The following CACNA2D1 variants were observed in gnomAD, a reference collection of about 807,000 sequenced individuals.
The protein encoded by CACNA2D1 is voltage-dependent calcium channel subunit alpha-2/delta-1.
In CACNA2D1, 53 loss-of-function variants were observed where a neutral mutation model predicts 171.5. The observed-to-expected ratio is 0.31, with a 90% CI of 0.25 to 0.39. The LOEUF is 0.39. Ranked by LOEUF, CACNA2D1 falls within the 10% of genes least tolerant of loss-of-function variation. CACNA2D1 has a pLI of 1.00. For missense variants in CACNA2D1, 903 were observed against 1,299.8 expected, an observed-to-expected ratio of 0.69 and a Z score of 4.69; for synonymous variants, 442 against 443.1, an observed-to-expected ratio of 1.00 and a Z score of 0.03.
intron 3 of CACNA2D1, among the ~76,000 whole-genome samples, chr7:82,274,469 G>A (rs1490666499): frequency 1.3e-5 from 2 of 152,106 alleles, no homozygotes; most frequent in Non-Finnish European, 1.5e-5. Context: ...TTCTTAATAA[G>A]TGAGTCCTAG....
intron 18 of CACNA2D1, among the ~76,000 whole-genome samples, chr7:82,002,042 A>AAAAAAAAG (rs1345439249): frequency 2.1e-5 from 3 of 140,932 alleles, no homozygotes; most frequent in African/African-American, 8.1e-5. Flanking sequence ...AAAAAAAAAA[A>AAAAAAAAG]AGAGAGAGAG....
rs1792335989 is a variant in CACNA2D1, at chr7:81,949,945, T to G, written c.*447A>C. On this transcript the variant is annotated 3_prime_UTR_variant, in exon 39 of 39. Transcript: ENST00000356860. ...CAATAATTGCTACTTAAAGCAGGAA[T>G]TAACTTTTCACAGAAGAAAAAGTGA... is the stretch of plus-strand genomic sequence containing the variant. The G allele has an allele frequency of 6.1e-6, 1 of 163,276 alleles. No individual in the cohort carries two copies. The allele number at this position is 163,276 out of a possible 1,614,324, so 10.1% of individuals were successfully genotyped here.
intron 4 of CACNA2D1, among the ~76,000 whole-genome samples, chr7:82,151,512 C>T (rs1793854125): frequency 6.6e-6 from 1 of 151,974 alleles, no homozygotes; most frequent in Non-Finnish European, 1.5e-5. Flanking sequence ...ATCAATTAGG[C>T]AAAGAATTCC....
At chr7:82,141,006 T>A (rs1792322292) in intron 4 of CACNA2D1, among the ~76,000 whole-genome samples, 1 of 151,308 alleles carries the variant, frequency 6.6e-6, no homozygotes, top group Non-Finnish European at 1.5e-5. Context: ...GTGATTTTTG[T>A]TTGAATGCTT....
intron 1 of CACNA2D1, among the ~76,000 whole-genome samples, chr7:82,422,256 G>C (rs1047110667): frequency 1.3e-5 from 2 of 152,140 alleles, no homozygotes; most frequent in East Asian, 3.8e-4. Context: ...CTATTGGTAA[G>C]ATTTCAGCAG....
chr7:82,061,008 T>G (rs186480978), intron 9 of CACNA2D1, among the ~76,000 whole-genome samples: 2 of 152,112 alleles, frequency 1.3e-5, no homozygotes, highest in East Asian at 1.9e-4. Context: ...CTCTAGAATT[T>G]ATTCTTCATT....
At chr7:81,997,125 G>A (rs757781184) in intron 19 of CACNA2D1, 54 bp downstream of exon 19, 1 of 945,680 alleles carries the variant, frequency 1.1e-6, no homozygotes, top group South Asian at 1.3e-5. Flanking sequence ...TGTAGAATGA[G>A]TGCATACCAG....
intron 4 of CACNA2D1, among the ~76,000 whole-genome samples, chr7:82,144,110 A>G (rs1466619523): frequency 6.6e-6 from 1 of 152,114 alleles, no homozygotes; most frequent in Admixed American, 6.6e-5. Context: ...AGTTACGGTC[A>G]TAAAAGCTGA....
chr7:82,140,948 C>T (rs939052410), intron 4 of CACNA2D1, among the ~76,000 whole-genome samples: 3 of 78,714 alleles, frequency 3.8e-5, no homozygotes, highest in Non-Finnish European at 2.3e-5. Flanking sequence ...GAGCAAGACT[C>T]GTCTCTAAAA....
At chr7:82,376,127 A>T (rs1585712768) in intron 1 of CACNA2D1, among the ~76,000 whole-genome samples, 1 of 152,310 alleles carries the variant, frequency 6.6e-6, no homozygotes, top group East Asian at 1.9e-4. Flanking sequence ...GGAGATGGGT[A>T]AGAAATGTAG....
intron 5 of CACNA2D1, among the ~76,000 whole-genome samples, chr7:82,124,400 A>G (rs958763582): frequency 6.6e-6 from 1 of 152,156 alleles, no homozygotes; most frequent in African/African-American, 2.4e-5. Flanking sequence ...GACTGGTCAC[A>G]GTCTTTATTT....
intron 1 of CACNA2D1, among the ~76,000 whole-genome samples, chr7:82,400,258 T>TG (rs1177410127): frequency 6.6e-6 from 1 of 151,666 alleles, no homozygotes; most frequent in Non-Finnish European, 1.5e-5. Flanking sequence ...GGTAGCTTGA[T>TG]GGGGATGGCA....
chr7:82,404,588 CT>C, intron 1 of CACNA2D1, among the ~76,000 whole-genome samples: 1 of 152,266 alleles, frequency 6.6e-6, no homozygotes, highest in Non-Finnish European at 1.5e-5. Context: ...TTCTTGCACA[CT>C]TGTTTTTGTA....
chr7:82,126,822 A>C (rs766533264), intron 5 of CACNA2D1, among the ~76,000 whole-genome samples: 23 of 152,156 alleles, frequency 1.5e-4, no homozygotes, highest in Non-Finnish European at 2.9e-4. Context: ...TCAGTTGAGT[A>C]GACAGATTTG....
chr7:82,304,038 A>G (rs935589814), intron 3 of CACNA2D1, among the ~76,000 whole-genome samples: 3 of 152,150 alleles, frequency 2.0e-5, no homozygotes, highest in Non-Finnish European at 4.4e-5. Flanking sequence ...GAGGACATGA[A>G]TAGACATTTC....
intron 1 of CACNA2D1, among the ~76,000 whole-genome samples, chr7:82,429,217 T>C (rs2129458433): frequency 6.6e-6 from 1 of 152,336 alleles, no homozygotes; most frequent in African/African-American, 2.4e-5. Flanking sequence ...GCATGTATAT[T>C]TTCTTCATAT....
chr7:82,293,643 T>C (rs1811923245), intron 3 of CACNA2D1, among the ~76,000 whole-genome samples: 1 of 152,218 alleles, frequency 6.6e-6, no homozygotes, highest in Admixed American at 6.5e-5. Flanking sequence ...TAAAATAGTT[T>C]CCTGTTTTAG....
intron 2 of CACNA2D1, among the ~76,000 whole-genome samples, chr7:82,338,169 A>G (rs1474913536): frequency 6.6e-6 from 1 of 152,132 alleles, no homozygotes; most frequent in Non-Finnish European, 1.5e-5. Context: ...AATAACTTCA[A>G]ATTTAATATC....
chr7:82,058,862 G>T (rs1010339809), intron 10 of CACNA2D1, among the ~76,000 whole-genome samples: 2 of 152,032 alleles, frequency 1.3e-5, no homozygotes, highest in Non-Finnish European at 2.9e-5. Context: ...ATTCCCCAGA[G>T]AATTATATCA....
Sources: gnomAD v4.1 joint callset for allele counts (sites outside exome capture counted in the v4.1 genomes callset) on GRCh38, gnomAD v4.1.1 for gene constraint, MANE v1.5 for transcripts, NCBI Gene and HGNC (gene_info 2026-07-23, HGNC 2026-07-21) for gene names.